The following ARHGAP24 variants were observed in gnomAD, a reference collection of about 807,000 sequenced individuals.
ARHGAP24 encodes the protein rho GTPase-activating protein 24.
A neutral mutation model predicts 76.4 loss-of-function variants in ARHGAP24; 50 were observed. The observed-to-expected ratio is 0.65, with a 90% CI of 0.52 to 0.83. ARHGAP24 has a LOEUF of 0.83. Ranked by LOEUF, ARHGAP24 falls within the 40% of genes least tolerant of loss-of-function variation. The probability of loss-of-function intolerance (pLI) is 0.00; values close to 1 mark genes in which losing one functional copy is unlikely to be tolerated. For missense variants in ARHGAP24, 930 were observed against 914.2 expected, an observed-to-expected ratio of 1.02 and a Z score of -0.22; for synonymous variants, 345 against 323.3, an observed-to-expected ratio of 1.07 and a Z score of -0.72.
chr4:85,754,913 T>C lies in ARHGAP24; in HGVS notation c.268+32941T>C, dbSNP rs572107621. ...AAAATTGGGATGATTATTTCTGTCC[T>C]GTCTACCTCCCCGGGTTGTTACAAA... is the stretch of plus-strand genomic sequence containing the variant. On this transcript the variant is annotated intron_variant, in intron 3 of 9. Coordinates refer to ENST00000395184, the MANE Select transcript of ARHGAP24 (RefSeq NM_001025616.3). Among the ~76,000 whole-genome samples the C allele has an allele frequency of 3.1e-4, 47 of 152,324 alleles. No individual in the cohort carries two copies. The South Asian group carries it at 9.5e-3, about 31-fold the overall frequency.
intron 2 of ARHGAP24, among the ~76,000 whole-genome samples, chr4:85,670,601 G>A (rs1212428972): frequency 6.6e-6 from 1 of 151,850 alleles, no homozygotes; most frequent in Non-Finnish European, 1.5e-5. Context: ...GGAGGGAGGG[G>A]GTATAGTTTT....
At chr4:85,872,759 G>A (rs1457422576) in intron 3 of ARHGAP24, among the ~76,000 whole-genome samples, 1 of 150,706 alleles carries the variant, frequency 6.6e-6, no homozygotes, top group East Asian at 2.0e-4. Context: ...CACCATGCCC[G>A]GCTAACTTTT....
rs112181452 is a variant in ARHGAP24 at position 85,527,268 on chromosome 4, G to A, written c.-20-43254G>A. On this transcript the variant is annotated intron_variant, in intron 1 of 9. Coordinates refer to ENST00000395184, the MANE Select transcript of ARHGAP24 (RefSeq NM_001025616.3). ...CTTACATTCAGTATAACTCTAGCTT[G>A]TTTTCACGACCTCTTCATAAGCTTA... 9.7e-3 allele frequency among the ~76,000 whole-genome samples: 1,469 copies of A among 152,184 alleles called. 12 individuals carry two copies. The highest frequency in any genetic ancestry group is 0.018 in the East Asian group (94 of 5,176).
chr4:85,684,978 A>G (rs1723364715), intron 2 of ARHGAP24, among the ~76,000 whole-genome samples: 2 of 152,170 alleles, frequency 1.3e-5, no homozygotes, highest in Non-Finnish European at 2.9e-5. Flanking sequence ...CTATTTGTCC[A>G]GAGGCAATTT....
At chr4:85,542,610 G>A (rs1578020934) in intron 1 of ARHGAP24, among the ~76,000 whole-genome samples, 1 of 152,146 alleles carries the variant, frequency 6.6e-6, no homozygotes, top group East Asian at 1.9e-4. Context: ...GGACAGTCAT[G>A]CTTAGAGCTA....
At chr4:85,522,835 C>T (rs899864145) in intron 1 of ARHGAP24, among the ~76,000 whole-genome samples, 17 of 152,160 alleles carry the variant, frequency 1.1e-4, no homozygotes, top group Non-Finnish European at 1.6e-4. Flanking sequence ...GTGAACTATA[C>T]GATAACATGA....
At chr4:85,690,134 G>C (rs1035925257) in intron 2 of ARHGAP24, among the ~76,000 whole-genome samples, 1 of 152,082 alleles carries the variant, frequency 6.6e-6, no homozygotes, top group African/African-American at 2.4e-5. Context: ...TTTAAATTAT[G>C]TTTATGTGGT....
rs114643639 is a variant in ARHGAP24 at position 85,808,965 on chromosome 4, G to A, written c.268+86993G>A. On this transcript the variant is annotated intron_variant, in intron 3 of 9. Transcript: ENST00000395184. ...TATGTCTTCCTAGAAGTTATAAAAA[G>A]GATCATTACAGAATTGTTTACACAA... Among the ~76,000 whole-genome samples the A allele has an allele frequency of 9.9e-3, 1,511 of 152,142 alleles. 29 individuals carry two copies. Among genetic ancestry groups the A allele is most frequent in the African/African-American group, 0.034 (1,412 of 41,512 alleles).
At chr4:85,972,619 G>A (rs1200676431) in intron 6 of ARHGAP24, among the ~76,000 whole-genome samples, 1 of 152,080 alleles carries the variant, frequency 6.6e-6, no homozygotes, top group Non-Finnish European at 1.5e-5. Flanking sequence ...GTATGATTCA[G>A]TGTTTTTTAG....
chr4:85,662,569 GT>G (rs1722440004), intron 2 of ARHGAP24, among the ~76,000 whole-genome samples: 2 of 151,746 alleles, frequency 1.3e-5, no homozygotes, highest in Admixed American at 1.3e-4. Context: ...TGCTTTTGGT[GT>G]TTTAGACATG....
At chr4:85,787,662 G>A (rs764942532) in intron 3 of ARHGAP24, among the ~76,000 whole-genome samples, 39 of 152,076 alleles carry the variant, frequency 2.6e-4, no homozygotes, top group Non-Finnish European at 5.1e-4. Flanking sequence ...ACCACTAAGA[G>A]CAAATAATGC....
At chr4:85,860,694 T>C (rs949140918) in intron 3 of ARHGAP24, among the ~76,000 whole-genome samples, 4 of 152,068 alleles carry the variant, frequency 2.6e-5, no homozygotes, top group African/African-American at 4.8e-5. Flanking sequence ...CAAAATAATT[T>C]GTCCATCACC....
Position 85,826,245 on chromosome 4 carries a change from A to G in ARHGAP24, c.269-97403A>G, listed in dbSNP as rs79866837. ...TGCATTTGTTACTGAATAACTCAGCAGTGAACTTGGCATTCCATAGCTAAC... is the reference window on the plus strand; with the variant it reads ...TGCATTTGTTACTGAATAACTCAGCGGTGAACTTGGCATTCCATAGCTAAC... On this transcript the variant is annotated intron_variant, in intron 3 of 9. Transcript: ENST00000395184. Among the ~76,000 whole-genome samples, 160 of 152,348 alleles carry G rather than the reference A, an allele frequency of 1.1e-3. 2 individuals are homozygous for G. The East Asian group carries it at 0.026, about 25-fold the overall frequency.
chr4:85,713,282 G>A (rs1341508421), intron 2 of ARHGAP24, among the ~76,000 whole-genome samples: 2 of 151,856 alleles, frequency 1.3e-5, no homozygotes, highest in Admixed American at 6.6e-5. Flanking sequence ...CTCCAGCCTG[G>A]GTGAAAGAGT....
At chr4:85,904,436 T>C (rs914079830) in intron 3 of ARHGAP24, among the ~76,000 whole-genome samples, 2 of 152,200 alleles carry the variant, frequency 1.3e-5, no homozygotes, top group Admixed American at 6.5e-5. Context: ...CACTTCCCTC[T>C]CAGTCCCCAC....
At chr4:85,775,329 T>C (rs1191192401) in intron 3 of ARHGAP24, among the ~76,000 whole-genome samples, 3 of 152,136 alleles carry the variant, frequency 2.0e-5, no homozygotes, top group African/African-American at 7.2e-5. Flanking sequence ...GTAGGTGTAT[T>C]AGTCCATTTT....
rs111707047 is a variant in ARHGAP24, at chr4:85,916,909, T to A, written c.269-6739T>A. 3.2e-3 allele frequency among the ~76,000 whole-genome samples: 489 copies of A among 152,264 alleles called. 3 individuals are homozygous for A. Among genetic ancestry groups the A allele is most frequent in the African/African-American group, 0.011 (473 of 41,568 alleles). ...CTTCTAAGAAAGACATCACTTCTTT[T>A]TTTTATTTTATTATTATTATACTTT... On this transcript the variant is annotated intron_variant, in intron 3 of 9. Transcript: ENST00000395184.
intron 3 of ARHGAP24, among the ~76,000 whole-genome samples, chr4:85,920,635 G>A (rs1181501433): frequency 2.0e-5 from 3 of 152,042 alleles, no homozygotes; most frequent in Non-Finnish European, 4.4e-5. Context: ...ATCTGACAAA[G>A]TTCTAATATC....
intron 2 of ARHGAP24, among the ~76,000 whole-genome samples, chr4:85,671,274 T>C (rs1199439928): frequency 6.6e-6 from 1 of 152,192 alleles, no homozygotes; most frequent in African/African-American, 2.4e-5. Context: ...CTAGCTTTGC[T>C]TTCTCTAAGC....
Sources: allele counts gnomAD v4.1 joint callset (sites outside exome capture counted in the v4.1 genomes callset), GRCh38; gene constraint gnomAD v4.1.1; transcripts MANE v1.5; gene names NCBI Gene and HGNC (gene_info 2026-07-23, HGNC 2026-07-21).